Variants in HECW2 observed in about 807,000 individuals in gnomAD.
HECW2 encodes the protein HECT, C2 and WW domain containing E3 ubiquitin protein ligase 2.
HECW2 carries 61 observed loss-of-function variants against 175.2 expected under a neutral mutation model. The observed-to-expected ratio is 0.35, with a 90% CI of 0.28 to 0.43. The LOEUF (loss-of-function observed/expected upper bound fraction) is 0.43, where lower values mean the gene tolerates loss of function less well. Among genes scored for constraint, HECW2 ranks in the 20% least tolerant of loss-of-function variants. The pLI is 1.00. For synonymous variants in HECW2, 671 were observed against 731.0 expected, an observed-to-expected ratio of 0.92 and a Z score of 1.32; for missense variants, 1,524 against 2,000.5, an observed-to-expected ratio of 0.76 and a Z score of 4.54.
At chr2:196,232,511 T>C (rs139365828) in intron 21 of HECW2, among the ~76,000 whole-genome samples, 1 of 152,042 alleles carries the variant, frequency 6.6e-6, no homozygotes, top group Admixed American at 6.5e-5. Context: ...AAAATCAACA[T>C]TGCTTACATT....
chr2:196,460,069 G>C (rs1696678564), intron 1 of HECW2, among the ~76,000 whole-genome samples: 1 of 152,094 alleles, frequency 6.6e-6, no homozygotes, highest in Non-Finnish European at 1.5e-5. Flanking sequence ...ATGCTTCCCA[G>C]TCTGTCAGAA....
chr2:196,474,679 T>C (rs1490857421), intron 1 of HECW2, among the ~76,000 whole-genome samples: 1 of 152,246 alleles, frequency 6.6e-6, no homozygotes, highest in Admixed American at 6.5e-5. Flanking sequence ...TCATTTCATA[T>C]CTGACAATGG....
At chr2:196,229,347 G>C (rs1347601229) in intron 21 of HECW2, among the ~76,000 whole-genome samples, 2 of 151,826 alleles carry the variant, frequency 1.3e-5, no homozygotes, top group East Asian at 3.8e-4. Context: ...TCAGTGATAG[G>C]ATTGTGTGAA....
At chr2:196,565,758 AAAT>A (rs1332397718) in intron 1 of HECW2, among the ~76,000 whole-genome samples, 3 of 152,352 alleles carry the variant, frequency 2.0e-5, no homozygotes, top group East Asian at 3.9e-4. Flanking sequence ...CTTTATTCAA[AAAT>A]AATAATTGTC....
rs1446045922 is a variant in HECW2 at position 196,194,109 on chromosome 2, C to G, written c.*7168G>C. The G allele has an allele frequency of 6.6e-6, 1 of 151,978 alleles. No individual in the cohort carries two copies. The highest frequency in any genetic ancestry group is 6.6e-5 in the Admixed American group (1 of 15,260). The allele number at this position is 151,978 out of a possible 1,614,324, so 9.4% of individuals were successfully genotyped here. A position where few individuals can be genotyped will look rare whatever the true frequency, so the allele number is the denominator to read the frequency against. On this transcript the variant is annotated 3_prime_UTR_variant, in exon 29 of 29. Transcript: ENST00000644978. ...TTATGATTTGTATTATAATTCATTCCTTTAACATTAACAGCCCATCAAACA... is the reference window on the plus strand; with the variant it reads ...TTATGATTTGTATTATAATTCATTCGTTTAACATTAACAGCCCATCAAACA...
rs572966266 is a variant in HECW2 at position 196,241,606 on chromosome 2, C to G, written c.3650+478G>C. ...ACAACATGATGATGTTTCAGTTTCC[C>G]CATTTGAAAGGAGGAGATGGATGAA... is the stretch of plus-strand genomic sequence containing the variant. On this transcript the variant is annotated intron_variant, in intron 20 of 28. Coordinates refer to ENST00000644978, the MANE Select transcript of HECW2 (RefSeq NM_001348768.2). Among the ~76,000 whole-genome samples, 3 of 152,218 alleles carry G rather than the reference C, an allele frequency of 2.0e-5. No individual in the cohort carries two copies. The South Asian group carries it at 6.2e-4, about 32-fold the overall frequency.
At chr2:196,547,832 T>C (rs1689475544) in intron 1 of HECW2, among the ~76,000 whole-genome samples, 1 of 152,150 alleles carries the variant, frequency 6.6e-6, no homozygotes, top group Non-Finnish European at 1.5e-5. Context: ...CACATGATCA[T>C]ATCCAGCTTC....
intron 1 of HECW2, among the ~76,000 whole-genome samples, chr2:196,512,329 C>T (rs1376578844): frequency 6.6e-6 from 1 of 152,182 alleles, no homozygotes; most frequent in Non-Finnish European, 1.5e-5. Flanking sequence ...TGCAACCTTC[C>T]TTTAATATTT....
At chr2:196,253,745 A>T (rs931955109) in intron 19 of HECW2, among the ~76,000 whole-genome samples, 175 bp downstream of exon 19, 2 of 152,222 alleles carry the variant, frequency 1.3e-5, no homozygotes, top group Admixed American at 1.3e-4. Flanking sequence ...TGTCAAAATG[A>T]ATCCTCATGG....
intron 1 of HECW2, among the ~76,000 whole-genome samples, chr2:196,537,962 T>C (rs1689075396): frequency 6.6e-6 from 1 of 152,198 alleles, no homozygotes; most frequent in Non-Finnish European, 1.5e-5. Context: ...CTGTACTTTC[T>C]TAATAAATTT....
Position 196,201,137 on chromosome 2 carries a change from A to C in HECW2, c.*140T>G, listed in dbSNP as rs556823641. The C allele has an allele frequency of 1.6e-6, 1 of 641,248 alleles. No individual in the cohort carries two copies. The highest frequency in any genetic ancestry group is 1.8e-5 in the African/African-American group (1 of 54,980). The allele number at this position is 641,248 out of a possible 1,614,324, so 39.7% of individuals were successfully genotyped here. ...CATCTCCAGTCCCCAAATGTGACAG[A>C]GCACTTGTTCCTGGAAAACAACAGC... On this transcript the variant is annotated 3_prime_UTR_variant, in exon 29 of 29. Transcript: ENST00000644978.
rs896077897 is a variant in HECW2, at chr2:196,200,783, C to T, written c.*494G>A. 3.9e-5 allele frequency: 6 copies of T among 154,518 alleles called. No individual in the cohort carries two copies. The highest frequency in any genetic ancestry group is 1.3e-4 in the Admixed American group (2 of 15,732). The allele number at this position is 154,518 out of a possible 1,614,324, so 9.6% of individuals were successfully genotyped here. A position where few individuals can be genotyped will look rare whatever the true frequency, so the allele number is the denominator to read the frequency against. On this transcript the variant is annotated 3_prime_UTR_variant, in exon 29 of 29. Coordinates refer to ENST00000644978, the MANE Select transcript of HECW2 (RefSeq NM_001348768.2). Reference sequence around the variant, plus strand: ...ACCTATGGTGCACACCATGCAGGCACTCATAAGCAAGAAATGAATATTCTG... The same window carrying T: ...ACCTATGGTGCACACCATGCAGGCATTCATAAGCAAGAAATGAATATTCTG...
chr2:196,396,886 C>T (rs992384224), intron 2 of HECW2, among the ~76,000 whole-genome samples: 8 of 151,360 alleles, frequency 5.3e-5, no homozygotes, highest in East Asian at 1.9e-4. Context: ...CCGAGGCGGA[C>T]GGATCACGAG....
chr2:196,375,465 TCTA>T, intron 2 of HECW2, among the ~76,000 whole-genome samples: 1 of 152,342 alleles, frequency 6.6e-6, no homozygotes, highest in African/African-American at 2.4e-5. Context: ...TTTAATAGAT[TCTA>T]CTTTTACTTT....
chr2:196,519,657 T>C (rs1179692778), intron 1 of HECW2, among the ~76,000 whole-genome samples: 3 of 152,176 alleles, frequency 2.0e-5, no homozygotes, highest in Non-Finnish European at 4.4e-5. Flanking sequence ...TAAATGCAGA[T>C]TCATGGACTG....
chr2:196,275,095 C>T (rs368908846), intron 15 of HECW2, among the ~76,000 whole-genome samples: 4 of 152,210 alleles, frequency 2.6e-5, no homozygotes, highest in African/African-American at 7.2e-5. Flanking sequence ...CTGGAAATAT[C>T]CTCCCCACCC....
rs1277012218 is a variant in HECW2, at chr2:196,404,681, C to T, written c.292+28451G>A. On this transcript the variant is annotated intron_variant, in intron 2 of 28. Coordinates refer to ENST00000644978, the MANE Select transcript of HECW2 (RefSeq NM_001348768.2). ...CAGTGCTCCCACTACAGAAACCCTT[C>T]CATCTCAAGCTCTCCAATCCACTTT... Among the ~76,000 whole-genome samples, 7 of 152,122 alleles carry T rather than the reference C, an allele frequency of 4.6e-5. No individual in the cohort carries two copies. In the East Asian group the frequency reaches 1.3e-3, roughly 29 times the overall value.
chr2:196,249,526 T>C (rs1021267043), intron 19 of HECW2, among the ~76,000 whole-genome samples: 6 of 152,172 alleles, frequency 3.9e-5, no homozygotes, highest in African/African-American at 1.4e-4. Flanking sequence ...TTTATTACTG[T>C]CATAATTTTC....
At chr2:196,567,615 T>C (rs1303165062) in intron 1 of HECW2, among the ~76,000 whole-genome samples, 2 of 152,202 alleles carry the variant, frequency 1.3e-5, no homozygotes, top group Non-Finnish European at 2.9e-5. Context: ...AAGTAGATGA[T>C]GGAAAGCGCA....
Sources: allele counts gnomAD v4.1 joint callset (sites outside exome capture counted in the v4.1 genomes callset), GRCh38; gene constraint gnomAD v4.1.1; transcripts MANE v1.5; gene names NCBI Gene and HGNC (gene_info 2026-07-23, HGNC 2026-07-21).